The following FBXO11 variants were observed in gnomAD, a reference collection of about 807,000 sequenced individuals.
FBXO11 encodes F-box protein 11.
FBXO11 carries 13 observed loss-of-function variants against 117.0 expected under a neutral mutation model. The ratio of observed to expected loss-of-function variants is 0.11; its 90% CI spans 0.07 to 0.18. FBXO11 has a LOEUF of 0.18. FBXO11 is among the 10% of genes least tolerant of loss of function. FBXO11 has a pLI of 1.00. For synonymous variants in FBXO11, 490 were observed against 380.5 expected (o/e 1.29, Z -3.35); for missense variants, 767 against 1,164.4 (o/e 0.66, Z 4.97).
At position 47,806,930 on chromosome 2, in the gene FBXO11, A is replaced by ATTTT; in HGVS notation, c.*1187_*1188insAAAA. ...TAAATTCAGACAACATTATGATCTA[A>ATTTT]TAAACTTTATTTTTTAAAAATGACC... On this transcript the variant is annotated 3_prime_UTR_variant, in exon 23 of 23. Transcript: ENST00000403359. The ATTTT allele has an allele frequency of 8.7e-7, 1 of 1,155,526 alleles. No homozygotes were observed. The allele number at this position is 1,155,526 out of a possible 1,614,324, so 71.6% of individuals were successfully genotyped here.
At chr2:47,813,421 TTTAA>T in intron 17 of FBXO11, 44 bp from the exon 18 acceptor site, 3 of 1,021,862 alleles carry the variant, frequency 2.9e-6, no homozygotes, top group South Asian at 1.9e-5. Context: ...TATATTTCTT[TTTAA>T]TTTTTTTTTT....
chr2:47,826,689 G>T (rs1256145612), intron 11 of FBXO11, among the ~76,000 whole-genome samples: 1 of 150,338 alleles, frequency 6.7e-6, no homozygotes, highest in African/African-American at 2.4e-5. Flanking sequence ...CAATTTTTTG[G>T]ATTTTTTTCT....
chr2:47,886,597 C>G (rs1278407886), intron 1 of FBXO11, among the ~76,000 whole-genome samples: 1 of 151,646 alleles, frequency 6.6e-6, no homozygotes. Flanking sequence ...TCTTTAATAG[C>G]ATACAAGAAT....
At chr2:47,844,846 G>C (rs560604109) in intron 1 of FBXO11, among the ~76,000 whole-genome samples, 31 of 152,188 alleles carry the variant, frequency 2.0e-4, no homozygotes, top group African/African-American at 7.5e-4. Flanking sequence ...ATGTTGCCAA[G>C]GATGGGTCTC....
chr2:47,900,111 T>C (rs1242512231), intron 1 of FBXO11, among the ~76,000 whole-genome samples: 1 of 152,112 alleles, frequency 6.6e-6, no homozygotes, highest in Non-Finnish European at 1.5e-5. Context: ...ATAAGAGCTC[T>C]TAGGCCTTAT....
In FBXO11 at chr2:47,851,986, C is replaced by T. The variant is rs537145658; in HGVS notation, c.233-12217G>A. ...TAATAGTAGTCTCTGTATCAAGCAA[C>T]CAATTTTTTTTTTTTTTTTTTTTGA... On this transcript the variant is annotated intron_variant, in intron 1 of 22. Transcript: ENST00000403359. 4.6e-4 allele frequency among the ~76,000 whole-genome samples: 69 copies of T among 149,016 alleles called. 2 individuals carry two copies. The South Asian group carries it at 0.013, about 28-fold the overall frequency.
At chr2:47,829,658 G>A (rs1672034682) in intron 11 of FBXO11, among the ~76,000 whole-genome samples, 1 of 151,900 alleles carries the variant, frequency 6.6e-6, no homozygotes, top group Non-Finnish European at 1.5e-5. Context: ...ATGATATTAA[G>A]GAATTATTCC....
At chr2:47,894,244 G>C (rs1016820983) in intron 1 of FBXO11, among the ~76,000 whole-genome samples, 3 of 152,260 alleles carry the variant, frequency 2.0e-5, no homozygotes, top group Middle Eastern at 3.4e-3. Flanking sequence ...TCAAGGACCA[G>C]AAAAACATCT....
At chr2:47,821,118 A>G (rs977765086) in intron 13 of FBXO11, among the ~76,000 whole-genome samples, 2 of 152,266 alleles carry the variant, frequency 1.3e-5, no homozygotes, top group African/African-American at 4.8e-5. Context: ...GGTCTTATTT[A>G]TATTTTCATC....
intron 4 of FBXO11, among the ~76,000 whole-genome samples, chr2:47,838,498 G>T (rs184963037): frequency 8.1e-5 from 12 of 147,768 alleles, no homozygotes; most frequent in Admixed American, 7.3e-4. Flanking sequence ...AAAGATTCAT[G>T]AATACAACTG....
intron 1 of FBXO11, among the ~76,000 whole-genome samples, chr2:47,863,076 A>G (rs1674911658): frequency 6.6e-6 from 1 of 150,676 alleles, no homozygotes; most frequent in South Asian, 2.1e-4. Flanking sequence ...AAAAAACAAA[A>G]AAACAAAAAC....
intron 1 of FBXO11, among the ~76,000 whole-genome samples, chr2:47,903,283 A>G (rs996783281): frequency 6.6e-6 from 1 of 152,206 alleles, no homozygotes; most frequent in Admixed American, 6.5e-5. Context: ...TATTTTCCCT[A>G]AAGTTCTTTT....
chr2:47,900,127 G>A (rs1456820354), intron 1 of FBXO11, among the ~76,000 whole-genome samples: 1 of 152,102 alleles, frequency 6.6e-6, no homozygotes, highest in Non-Finnish European at 1.5e-5. Flanking sequence ...CTTATCAGCA[G>A]AGCTCTTAGG....
At chr2:47,887,307 G>C (rs1185356756) in intron 1 of FBXO11, among the ~76,000 whole-genome samples, 1 of 150,876 alleles carries the variant, frequency 6.6e-6, no homozygotes, top group Admixed American at 6.6e-5. Flanking sequence ...GTGGGGGGGA[G>C]GGGGGAGACA....
At chr2:47,890,976 C>T (rs925121890) in intron 1 of FBXO11, among the ~76,000 whole-genome samples, 1 of 149,898 alleles carries the variant, frequency 6.7e-6, no homozygotes. Context: ...TGCCACCATA[C>T]CGGGATTTTT....
At chr2:47,836,538 A>G (rs576270886) in intron 4 of FBXO11, among the ~76,000 whole-genome samples, 1 of 151,744 alleles carries the variant, frequency 6.6e-6, no homozygotes, top group Admixed American at 6.6e-5. Flanking sequence ...CTGGTCTCGA[A>G]CTCTGGAGCT....
In FBXO11 at chr2:47,808,028, T is replaced by C. The variant is rs1670346229; in HGVS notation, c.*90A>G. 1.3e-5 allele frequency: 16 copies of C among 1,187,808 alleles called. 1 individual carries two copies. The South Asian group carries it at 2.0e-4, about 15-fold the overall frequency. The allele number at this position is 1,187,808 out of a possible 1,614,324, so 73.6% of individuals were successfully genotyped here. On this transcript the variant is annotated 3_prime_UTR_variant, in exon 23 of 23. Coordinates refer to ENST00000403359, the MANE Select transcript of FBXO11 (RefSeq NM_001190274.2). Reference sequence around the variant, plus strand: ...CCATTTTTAATACAGTCTCTTCCTGTAGCATGGGCAAATATTTTAAATCTT... The same window carrying C: ...CCATTTTTAATACAGTCTCTTCCTGCAGCATGGGCAAATATTTTAAATCTT...
At chr2:47,898,633 CA>C (rs1428649388) in intron 1 of FBXO11, among the ~76,000 whole-genome samples, 13 of 152,096 alleles carry the variant, frequency 8.5e-5, no homozygotes, top group African/African-American at 3.1e-4. Flanking sequence ...CATCTTGAGA[CA>C]AATCTACATG....
At chr2:47,886,723 C>T (rs1245889212) in intron 1 of FBXO11, among the ~76,000 whole-genome samples, 1 of 151,810 alleles carries the variant, frequency 6.6e-6, no homozygotes, top group Admixed American at 6.6e-5. Context: ...CAGAAAAATG[C>T]CCAGGATATC....
Sources: gnomAD v4.1 joint callset for allele counts (sites outside exome capture counted in the v4.1 genomes callset) on GRCh38, gnomAD v4.1.1 for gene constraint, MANE v1.5 for transcripts, NCBI Gene and HGNC (gene_info 2026-07-23, HGNC 2026-07-21) for gene names.